Variants in DNAH7 observed in about 807,000 individuals in gnomAD.
The protein encoded by DNAH7 is dynein axonemal heavy chain 7.
In DNAH7, 397 loss-of-function variants were observed where a neutral mutation model predicts 444.6. That is an observed-to-expected ratio of 0.89 (90% CI 0.82 to 0.97). The LOEUF is 0.97. DNAH7 is among the 50% of genes least tolerant of loss of function. The pLI is 0.00. For synonymous variants in DNAH7, 1,636 were observed against 1,624.4 expected (o/e 1.01, Z -0.17); for missense variants, 4,902 against 4,800.8 (o/e 1.02, Z -0.62).
chr2:196,050,695 C>A (rs1427957846), intron 3 of DNAH7, among the ~76,000 whole-genome samples: 1 of 152,086 alleles, frequency 6.6e-6, no homozygotes, highest in African/African-American at 2.4e-5. Context: ...ACTGCCTCTT[C>A]CACAAGACAA....
Position 195,884,763 on chromosome 2 carries a change from G to A in DNAH7, c.5585C>T (p.Thr1862Ile), listed in dbSNP as rs1430897606. Residue 1862 changes from threonine to isoleucine, a missense_variant, in exon 35 of 65, where the codon ACA (threonine) becomes ATA (isoleucine). Coordinates refer to ENST00000312428, the MANE Select transcript of DNAH7 (RefSeq NM_018897.3). The part of the protein sequence containing the change: ...SLIWSVGASC[T>I]DDDRLKFNKI... ...ATTAAATTTCAATCGATCATCATCT[G>A]TACAAGAAGCACCAACGGACCAGAT... The A allele has an allele frequency of 3.1e-6, 5 of 1,613,918 alleles. No individual in the cohort carries two copies. The East Asian group carries it at 1.1e-4, about 36-fold the overall frequency.
At chr2:196,001,443 C>T (rs1325149884) in intron 11 of DNAH7, among the ~76,000 whole-genome samples, 1 of 151,834 alleles carries the variant, frequency 6.6e-6, no homozygotes, top group Non-Finnish European at 1.5e-5. Flanking sequence ...TGGCTCGCTG[C>T]AGCCTCAAAC....
intron 15 of DNAH7, among the ~76,000 whole-genome samples, chr2:195,979,678 G>A (rs1041350539): frequency 2.0e-5 from 3 of 152,030 alleles, no homozygotes; most frequent in African/African-American, 4.8e-5. Flanking sequence ...GAACTGAAAA[G>A]TTGGTTTTAT....
At chr2:195,817,420 T>C (rs1158912130) in intron 50 of DNAH7, among the ~76,000 whole-genome samples, 1 of 152,206 alleles carries the variant, frequency 6.6e-6, no homozygotes, top group African/African-American at 2.4e-5. Flanking sequence ...ACCAAAACTC[T>C]TGTGCTAAAA....
chr2:196,054,461 G>A (rs1407557171), intron 2 of DNAH7, among the ~76,000 whole-genome samples: 1 of 152,152 alleles, frequency 6.6e-6, no homozygotes, highest in Non-Finnish European at 1.5e-5. Context: ...GGTGGAGGTT[G>A]CCATGAGCCA....
rs776449022 is a variant in DNAH7 at position 195,923,607 on chromosome 2, C to T, written c.3813G>A (p.Arg1271=). ...DSDFEWLSQL[R]YYWQENHLET... is the part of the protein sequence containing the mutation. Reference sequence around the variant, plus strand: ...TGATACCACTTACTTGCCAGTAGTACCTAAGCTGACTTAACCATTCAAAGT... The same window carrying T: ...TGATACCACTTACTTGCCAGTAGTATCTAAGCTGACTTAACCATTCAAAGT... The change falls in exon 23 of 65, where the codon AGG becomes AGA. Residue 1271 remains arginine (R), a synonymous_variant. Coordinates refer to ENST00000312428, the MANE Select transcript of DNAH7 (RefSeq NM_018897.3). 1.2e-6 allele frequency: 2 copies of T among 1,614,052 alleles called. No homozygotes were observed. The highest frequency in any genetic ancestry group is 3.3e-5 in the Admixed American group (2 of 60,016).
intron 5 of DNAH7, among the ~76,000 whole-genome samples, chr2:196,034,391 A>C (rs1444058176): frequency 6.6e-6 from 1 of 152,224 alleles, no homozygotes; most frequent in Non-Finnish European, 1.5e-5. Context: ...GATCTAAATA[A>C]GTGGAGAGAA....
At chr2:195,985,942 C>T (rs1489348434) in intron 14 of DNAH7, among the ~76,000 whole-genome samples, 5 of 152,158 alleles carry the variant, frequency 3.3e-5, no homozygotes. Context: ...CTCACGCTGT[C>T]TGTGAAAGCA....
intron 17 of DNAH7, among the ~76,000 whole-genome samples, chr2:195,968,007 G>A (rs558631670): frequency 1.1e-4 from 16 of 152,278 alleles, no homozygotes; most frequent in African/African-American, 3.8e-4. Flanking sequence ...TGGCCCATGG[G>A]CAGTTCTGCC....
At chr2:195,865,854 G>A (rs1160779119) in intron 40 of DNAH7, among the ~76,000 whole-genome samples, 4 of 152,262 alleles carry the variant, frequency 2.6e-5, no homozygotes, top group South Asian at 2.1e-4. Context: ...AGGAGAGGAA[G>A]AGGCATTAAA....
intron 54 of DNAH7, among the ~76,000 whole-genome samples, chr2:195,806,526 T>C (rs1696718373): frequency 6.6e-6 from 1 of 152,156 alleles, no homozygotes; most frequent in South Asian, 2.1e-4. Context: ...ATAAATAAAA[T>C]TATACAATAT....
chr2:195,842,607 TTAGTA>T lies in DNAH7; in HGVS notation c.8945+2390_8945+2394del, dbSNP rs1406497157. 4.6e-5 allele frequency among the ~76,000 whole-genome samples: 7 copies of T among 152,266 alleles called. No individual in the cohort carries two copies. The East Asian group carries it at 1.3e-3, about 29-fold the overall frequency. On this transcript the variant is annotated intron_variant, in intron 47 of 64. Transcript: ENST00000312428. ...AATGAAAATTGTTAATATTTTCTTC[TTAGTA>T]TAGTTGCTACCACAACTTTCTGCTA...
Position 195,845,026 on chromosome 2 carries a change from G to A in DNAH7, c.8921C>T (p.Ser2974Phe), listed in dbSNP as rs777447674. The A allele has an allele frequency of 1.9e-6, 3 of 1,613,464 alleles. No homozygotes were observed. Among genetic ancestry groups the A allele is most frequent in the Non-Finnish European group, 2.5e-6 (3 of 1,179,762 alleles). The part of the protein sequence containing the change: ...NIAGLPSDSF[S>F]IDNGIIIMNA... The stretch of plus-strand genomic sequence containing the variant: ...CATTATGATTATCCCATTATCAATG[G>A]AAAATGAGTCAGAAGGTAATCCAGC... The change falls in exon 47 of 65, where the codon TCC becomes TTC. Residue 2974 changes from serine (S) to phenylalanine (F), a missense_variant. Coordinates refer to ENST00000312428, the MANE Select transcript of DNAH7 (RefSeq NM_018897.3).
chr2:196,003,978 A>C (rs560383527), intron 10 of DNAH7, among the ~76,000 whole-genome samples: 1 of 152,314 alleles, frequency 6.6e-6, no homozygotes, highest in South Asian at 2.1e-4. Flanking sequence ...GATTTTTAAC[A>C]GTGGTAAGGT....
chr2:195,957,495 T>C, intron 18 of DNAH7, 48 bp from the exon 19 acceptor site: 1 of 1,421,256 alleles, frequency 7.0e-7, no homozygotes, highest in South Asian at 1.7e-5. Context: ...ACCAAGCAAA[T>C]GTTTCAAATG....
Position 195,900,300 on chromosome 2 carries a change from A to G in DNAH7, c.4530T>C (p.Thr1510=). The change falls in exon 28 of 65, where the codon ACT becomes ACC. Residue 1510 remains threonine (T), a synonymous_variant. Transcript: ENST00000312428. ...YGMRAVKSVL[T]AAGNLKLKYP... ...TCTCTACCTTCAGATTCCCAGCAGC[A>G]GTAAGAACTGACTTCACGGCTCTCA... 6.2e-7 allele frequency: 1 copy of G among 1,613,992 alleles called. No individual in the cohort carries two copies. Among genetic ancestry groups the G allele is most frequent in the Non-Finnish European group, 8.5e-7 (1 of 1,179,864 alleles).
chr2:195,953,653 G>A (rs1011785220), intron 19 of DNAH7, among the ~76,000 whole-genome samples: 1 of 152,208 alleles, frequency 6.6e-6, no homozygotes. Context: ...GGAATCTAGA[G>A]AGACAGTCTG....
At chr2:195,872,177 C>G (rs1375146619) in intron 40 of DNAH7, 73 bp downstream of exon 40, 20 of 1,204,716 alleles carry the variant, frequency 1.7e-5, no homozygotes, top group Non-Finnish European at 2.3e-5. Context: ...GAAGAATATT[C>G]TTTTTACCCA....
chr2:195,809,952 C>T (rs1696887852), intron 51 of DNAH7, 81 bp from the exon 52 acceptor site: 1 of 1,155,574 alleles, frequency 8.7e-7, no homozygotes, highest in Non-Finnish European at 1.1e-6. Context: ...CATGTATGTT[C>T]TTCTGATAAA....
Sources: allele counts gnomAD v4.1 joint callset (sites outside exome capture counted in the v4.1 genomes callset), GRCh38; gene constraint gnomAD v4.1.1; transcripts MANE v1.5; gene names NCBI Gene and HGNC (gene_info 2026-07-23, HGNC 2026-07-21).